Variants in PXDN observed in about 807,000 individuals in gnomAD.
PXDN encodes peroxidasin, also known as peroxidasin homolog.
In PXDN, 77 loss-of-function variants were observed where a neutral mutation model predicts 140.3. The ratio of observed to expected loss-of-function variants is 0.55; its 90% CI spans 0.46 to 0.66. PXDN has a LOEUF of 0.66. Among genes scored for constraint, PXDN ranks in the 30% least tolerant of loss-of-function variants. The pLI is 0.00. For synonymous variants in PXDN, 911 were observed against 857.4 expected (o/e 1.06, Z -1.09); for missense variants, 1,838 against 2,039.5 (o/e 0.90, Z 1.90).
At chr2:1,638,233 G>A (rs1682621773) in intron 21 of PXDN, among the ~76,000 whole-genome samples, 1 of 152,126 alleles carries the variant, frequency 6.6e-6, no homozygotes, top group Admixed American at 6.5e-5. Flanking sequence ...TTAGCCATAG[G>A]TCTCAATCTC....
At position 1,708,858 on chromosome 2, in the gene PXDN, AG is replaced by A. The variant is rs570687923; in HGVS notation, c.201-15725del. 6.8e-3 allele frequency among the ~76,000 whole-genome samples: 1,032 copies of A among 152,330 alleles called. 19 individuals carry two copies. Among genetic ancestry groups the A allele is most frequent in the African/African-American group, 0.024 (984 of 41,568 alleles). On this transcript the variant is annotated intron_variant, in intron 1 of 22. Coordinates refer to ENST00000252804, the MANE Select transcript of PXDN (RefSeq NM_012293.3). ...CTGGTGTGCCCGGCTGGGTTTGTTAAGAACCTCTCTACGTGTACAGGTTTTA... is the reference window on the plus strand; with the variant it reads ...CTGGTGTGCCCGGCTGGGTTTGTTAAAACCTCTCTACGTGTACAGGTTTTA...
chr2:1,739,103 T>C (rs921596613), intron 1 of PXDN, among the ~76,000 whole-genome samples: 1 of 152,220 alleles, frequency 6.6e-6, no homozygotes, highest in Non-Finnish European at 1.5e-5. Context: ...AGTCATGCGC[T>C]CCAGACCCAG....
In PXDN at chr2:1,660,806, C is replaced by A. The variant is rs978720201; in HGVS notation, c.1837+75G>T. On this transcript the variant is annotated intron_variant, in intron 14 of 22. Coordinates refer to ENST00000252804, the MANE Select transcript of PXDN (RefSeq NM_012293.3). This position sits in a 1 kb window ranked among gnomAD's most constrained non-coding sequence, Gnocchi z 4.6. ...TTCTGAACAGCCTAAGTCAACTGGC[C>A]TGGGACCACACTAGGGACCTGCGGG... 4.9e-5 allele frequency: 75 copies of A among 1,522,444 alleles called. No homozygotes were observed. The highest frequency in any genetic ancestry group is 6.6e-5 in the Non-Finnish European group (75 of 1,129,836). The allele number at this position is 1,522,444 out of a possible 1,614,324, so 94.3% of individuals were successfully genotyped here.
At chr2:1,701,887 G>A in intron 1 of PXDN, among the ~76,000 whole-genome samples, 1 of 152,156 alleles carries the variant, frequency 6.6e-6, no homozygotes, top group Non-Finnish European at 1.5e-5. Flanking sequence ...GACACGAGGA[G>A]AAGGTCCCTT....
intron 6 of PXDN, among the ~76,000 whole-genome samples, chr2:1,680,711 G>C (rs1460478321): frequency 3.3e-5 from 5 of 152,206 alleles, no homozygotes; most frequent in African/African-American, 4.8e-5. Context: ...GTTTGTGAAG[G>C]AGACCAGGTG....
intron 1 of PXDN, among the ~76,000 whole-genome samples, chr2:1,704,813 A>T (rs1349126624): frequency 6.6e-6 from 1 of 152,124 alleles, no homozygotes; most frequent in African/African-American, 2.4e-5. Context: ...TTTGAATACA[A>T]TGGGAGGCAG....
In PXDN at chr2:1,662,127, A is replaced by G; in HGVS notation, c.1625T>C (p.Val542Ala). ...GCCCTGGGAGCTGCACGGGAGCTGC[A>G]CATTGGCGCCCACCTCCACTGTTGT... ...SDTTVEVGAN[V>A]QLPCSSQGEP... is the part of the protein sequence containing the mutation. The change falls in exon 13 of 23, where the codon GTG (valine) becomes GCG (alanine). Residue 542 changes from valine (V) to alanine (A), a missense_variant. Val to Ala is a moderately conservative substitution (Grantham distance 64). This residue lies in a region of PXDN where 537 missense variants were observed against 583.9 expected (regional missense o/e 0.92). Transcript: ENST00000252804. 2 of 1,598,288 alleles carry G rather than the reference A, an allele frequency of 1.3e-6. No homozygotes were observed. Among genetic ancestry groups the G allele is most frequent in the Non-Finnish European group, 1.7e-6 (2 of 1,172,790 alleles).
rs753761330 is a variant in PXDN, at chr2:1,666,494, A to G, written c.1019-8T>C. On this transcript the variant is annotated splice_region_variant and splice_polypyrimidine_tract_variant and intron_variant, in intron 9 of 22. Coordinates refer to ENST00000252804, the MANE Select transcript of PXDN (RefSeq NM_012293.3). The stretch of plus-strand genomic sequence containing the variant: ...TTACAAAAGTGGGTCGAGCTGTCAC[A>G]ATTAAACAGAAATTCTCAATTAATT... 51 of 1,580,588 alleles carry G rather than the reference A, an allele frequency of 3.2e-5. No individual in the cohort carries two copies. The Middle Eastern group carries it at 1.9e-3, about 60-fold the overall frequency.
intron 1 of PXDN, among the ~76,000 whole-genome samples, chr2:1,734,738 A>G (rs12052211): frequency 0.26 from 38,858 of 152,012 alleles, 5,318 homozygotes; most frequent in East Asian, 0.59. Context: ...ATGGTGGCGC[A>G]TGGCTGTAAT....
chr2:1,733,366 C>A (rs1385249194), intron 1 of PXDN, among the ~76,000 whole-genome samples: 1 of 152,052 alleles, frequency 6.6e-6, no homozygotes, highest in East Asian at 1.9e-4. Flanking sequence ...TTAAAAGCGG[C>A]CAGAAACACA....
intron 14 of PXDN, among the ~76,000 whole-genome samples, chr2:1,658,954 G>A (rs988339306): frequency 3.3e-5 from 5 of 152,266 alleles, no homozygotes; most frequent in South Asian, 2.1e-4. Flanking sequence ...CCATCTGAGC[G>A]TGACTGCTCA....
chr2:1,712,375 G>A (rs976965532), intron 1 of PXDN, among the ~76,000 whole-genome samples: 1 of 152,180 alleles, frequency 6.6e-6, no homozygotes, highest in Non-Finnish European at 1.5e-5. Context: ...AATGCATCAT[G>A]TCTTAAAATA....
At chr2:1,658,268 C>T (rs1375892899) in intron 14 of PXDN, among the ~76,000 whole-genome samples, 2 of 152,062 alleles carry the variant, frequency 1.3e-5, no homozygotes, top group African/African-American at 4.8e-5. Flanking sequence ...ATCGTCCTGA[C>T]CTCTCCCTGC....
chr2:1,722,080 A>G (rs149492764), intron 1 of PXDN, among the ~76,000 whole-genome samples: 208 of 152,348 alleles, frequency 1.4e-3, no homozygotes, highest in African/African-American at 4.7e-3. Flanking sequence ...ATACCACAAG[A>G]CAGAGTTAAG....
At position 1,687,675 on chromosome 2, in the gene PXDN, T is replaced by G. The variant is rs779055625; in HGVS notation, c.373A>C (p.Ile125Leu). ...LYLYKNEIQS[I>L]DRQAFKGLAS... ...AGTCCCTTAAATGCTTGCCTGTCAA[T>G]TGACTGGATCTCATTCTTGTACAGA... The change falls in exon 4 of 23, where the codon ATT becomes CTT. Residue 125 changes from isoleucine to leucine, a missense_variant. This residue lies in a region of PXDN where 231 missense variants were observed against 201.5 expected (regional missense o/e 1.15). Transcript: ENST00000252804. This position sits in a 1 kb window ranked among gnomAD's most constrained non-coding sequence, Gnocchi z 4.0. The G allele has an allele frequency of 6.5e-7, 1 of 1,533,928 alleles. No homozygotes were observed. Among genetic ancestry groups the G allele is most frequent in the South Asian group, 1.1e-5 (1 of 87,720 alleles).
intron 4 of PXDN, among the ~76,000 whole-genome samples, chr2:1,686,968 C>T (rs568674178): frequency 6.6e-6 from 1 of 152,068 alleles, no homozygotes; most frequent in South Asian, 2.1e-4. Flanking sequence ...CTCAGTTTGC[C>T]GAGTGAAAGG....
Position 1,653,752 on chromosome 2 carries a change from C to A in PXDN, c.1980G>T (p.Leu660Phe). 6.3e-7 allele frequency: 1 copy of A among 1,588,044 alleles called. No individual in the cohort carries two copies. The highest frequency in any genetic ancestry group is 2.3e-5 in the East Asian group (1 of 43,842). ...TGTAAGGATCCCTCGGATACCGGAA[C>A]AAGGCCAGCAAATCATTTGGAGAAC... ...RPRSPNDLLA[L>F]FRYPRDPYTV... The change falls in exon 16 of 23, where the codon TTG (leucine) becomes TTT (phenylalanine). Residue 660 changes from leucine (L) to phenylalanine (F), a missense_variant. Leu to Phe is a conservative substitution (Grantham distance 22, BLOSUM62 0). This residue lies in a region of PXDN where 537 missense variants were observed against 583.9 expected (regional missense o/e 0.92). Transcript: ENST00000252804.
intron 17 of PXDN, among the ~76,000 whole-genome samples, chr2:1,646,845 A>C (rs1348374230): frequency 1.3e-5 from 2 of 152,244 alleles, no homozygotes; most frequent in Admixed American, 6.5e-5. Flanking sequence ...TTCATAATCC[A>C]AGGACTGAGA....
chr2:1,664,914 T>C (rs1285252329), intron 11 of PXDN, 44 bp downstream of exon 11: 1 of 1,466,674 alleles, frequency 6.8e-7, no homozygotes, highest in South Asian at 1.2e-5. Context: ...TTCCTGCGTC[T>C]GTGGCCGCGG....
Sources: allele counts gnomAD v4.1 joint callset (sites outside exome capture counted in the v4.1 genomes callset), GRCh38; gene constraint gnomAD v4.1.1; regional missense constraint gnomAD v4.1.1; non-coding constraint Gnocchi (gnomAD v3.1); transcripts MANE v1.5; gene names NCBI Gene and HGNC (gene_info 2026-07-23, HGNC 2026-07-21).